WSCD1: variants seen among roughly 807,000 people sequenced by gnomAD.
The protein encoded by WSCD1 is sialate:O-sulfotransferase 1.
Under a neutral mutation model 60.4 loss-of-function variants are expected in WSCD1, and 41 were observed. That is an observed-to-expected ratio of 0.68 (90% CI 0.53 to 0.88). The LOEUF is 0.88. Ranked by LOEUF, WSCD1 falls within the 40% of genes least tolerant of loss-of-function variation. The pLI is 0.00. For missense variants in WSCD1, 784 were observed against 796.2 expected (o/e 0.98, Z 0.18); for synonymous variants, 361 against 332.5 (o/e 1.09, Z -0.93).
At chr17:6,076,262 T>C (rs1908854784) in intron 1 of WSCD1, among the ~76,000 whole-genome samples, 1 of 152,178 alleles carries the variant, frequency 6.6e-6, no homozygotes, top group Admixed American at 6.5e-5. Context: ...GTGGGTTGTC[T>C]GGAGGAAATG....
chr17:6,111,380 T>C (rs1252832036), intron 7 of WSCD1, among the ~76,000 whole-genome samples: 3 of 152,124 alleles, frequency 2.0e-5, no homozygotes, highest in African/African-American at 4.8e-5. Context: ...GATGTGCAGA[T>C]ATCAATGCAG....
intron 5 of WSCD1, among the ~76,000 whole-genome samples, chr17:6,097,487 C>T (rs1910517240): frequency 6.6e-6 from 1 of 152,234 alleles, no homozygotes; most frequent in South Asian, 2.1e-4. Context: ...TGCACCCGCC[C>T]TTCTGCACTG....
At chr17:6,099,596 G>A (rs75910406) in intron 5 of WSCD1, among the ~76,000 whole-genome samples, 1 of 151,912 alleles carries the variant, frequency 6.6e-6, no homozygotes, top group Admixed American at 6.6e-5. Context: ...CAGGTGTACC[G>A]AGTGTCATGG....
intron 5 of WSCD1, among the ~76,000 whole-genome samples, chr17:6,104,541 G>T (rs1281556182): frequency 6.6e-6 from 1 of 152,192 alleles, no homozygotes; most frequent in Non-Finnish European, 1.5e-5. Context: ...CTCAGTTACA[G>T]CATCACTGGA....
intron 4 of WSCD1, among the ~76,000 whole-genome samples, chr17:6,092,677 C>T (rs1470589989): frequency 6.6e-6 from 1 of 152,156 alleles, no homozygotes; most frequent in Non-Finnish European, 1.5e-5. Flanking sequence ...CATTCCTGCC[C>T]CCAAGTAAGA....
At chr17:6,081,366 A>G (rs986848395) in intron 2 of WSCD1, among the ~76,000 whole-genome samples, 3 of 151,840 alleles carry the variant, frequency 2.0e-5, no homozygotes, top group African/African-American at 7.3e-5. Context: ...ATCCTGGCCA[A>G]CAATTTTTTT....
chr17:6,075,468 C>G lies in WSCD1; in HGVS notation c.-289+4816C>G, dbSNP rs1908790364. On this transcript the variant is annotated intron_variant, in intron 1 of 8. Coordinates refer to ENST00000317744, the MANE Select transcript of WSCD1 (RefSeq NM_015253.2). This position sits in a 1 kb window ranked among gnomAD's most constrained non-coding sequence, Gnocchi z 4.1. ...GGCTGAGAAGTGGCCACCTGACCAGCCCAAGCCACCCATCATTCAGGCTGG... is the reference window on the plus strand; with the variant it reads ...GGCTGAGAAGTGGCCACCTGACCAGGCCAAGCCACCCATCATTCAGGCTGG... Among the ~76,000 whole-genome samples, 1 of 152,140 alleles carries G rather than the reference C, an allele frequency of 6.6e-6. No individual in the cohort carries two copies. The highest frequency in any genetic ancestry group is 2.4e-5 in the African/African-American group (1 of 41,406).
intron 7 of WSCD1, among the ~76,000 whole-genome samples, chr17:6,114,559 CTTTGA>C (rs920328052): frequency 1.4e-4 from 22 of 152,010 alleles, no homozygotes; most frequent in African/African-American, 5.3e-4. Context: ...ATCCTAATTA[CTTTGA>C]TTTGATTATT....
intron 8 of WSCD1, among the ~76,000 whole-genome samples, chr17:6,119,154 C>T (rs1017447018): frequency 2.0e-5 from 3 of 152,188 alleles, no homozygotes; most frequent in Non-Finnish European, 4.4e-5. Context: ...TCCCTAATAC[C>T]ATGATATGGT....
Position 6,107,559 on chromosome 17 carries a change from T to C in WSCD1, c.850-2048T>C, listed in dbSNP as rs561458348. On this transcript the variant is annotated intron_variant, in intron 5 of 8. Transcript: ENST00000317744. ...CAAATAAGGTCCCATTCTAAGGCCC[T>C]GGGGTTAGGACTTCAACATATGAAT... Among the ~76,000 whole-genome samples, 19 of 151,864 alleles carry C rather than the reference T, an allele frequency of 1.3e-4. 1 individual carries two copies. Among genetic ancestry groups the C allele is most frequent in the African/African-American group, 4.1e-4 (17 of 41,446 alleles).
intron 5 of WSCD1, among the ~76,000 whole-genome samples, chr17:6,096,508 C>A (rs1022552169): frequency 2.0e-5 from 3 of 152,220 alleles, no homozygotes; most frequent in African/African-American, 7.2e-5. Flanking sequence ...TATGTGCTTT[C>A]TTCTTGTCCA....
intron 2 of WSCD1, among the ~76,000 whole-genome samples, chr17:6,082,496 G>A (rs895897548): frequency 2.0e-5 from 3 of 152,212 alleles, no homozygotes; most frequent in East Asian, 1.9e-4. Context: ...GGATGCCAGC[G>A]TGGGGACAGT....
At chr17:6,097,148 A>G (rs1035605939) in intron 5 of WSCD1, among the ~76,000 whole-genome samples, 1 of 152,266 alleles carries the variant, frequency 6.6e-6, no homozygotes, top group Non-Finnish European at 1.5e-5. Context: ...TCCTGACGCC[A>G]CACACAGCCC....
rs201845969 is a variant in WSCD1, at chr17:6,080,630, T to G, written c.-29T>G. ...TGGGCGCTAGGAGCCATCCCGGGGCTCCAGCCAGGAGCCCTGCTGCCCAGG... is the reference window on the plus strand; with the variant it reads ...TGGGCGCTAGGAGCCATCCCGGGGCGCCAGCCAGGAGCCCTGCTGCCCAGG... On this transcript the variant is annotated 5_prime_UTR_variant, in exon 2 of 9. Transcript: ENST00000317744. The surrounding 1 kb of genome is among the most constrained non-coding windows in gnomAD (Gnocchi z 6.6). 1.8e-3 allele frequency: 2,923 copies of G among 1,609,458 alleles called. 6 individuals are homozygous for G. Among genetic ancestry groups the G allele is most frequent in the Admixed American group, 2.1e-3 (124 of 58,424 alleles).
chr17:6,115,985 G>A (rs1036104451), intron 7 of WSCD1, among the ~76,000 whole-genome samples: 2 of 152,262 alleles, frequency 1.3e-5, no homozygotes, highest in Admixed American at 6.5e-5. Flanking sequence ...TCCCAAGCTT[G>A]GGATTGGGCT....
intron 5 of WSCD1, among the ~76,000 whole-genome samples, chr17:6,100,227 G>A (rs1320257661): frequency 6.6e-6 from 1 of 152,230 alleles, no homozygotes; most frequent in Non-Finnish European, 1.5e-5. Context: ...GGATGGGTTT[G>A]TGGGTGAGCG....
At chr17:6,106,248 A>G (rs759605404) in intron 5 of WSCD1, among the ~76,000 whole-genome samples, 6 of 152,240 alleles carry the variant, frequency 3.9e-5, no homozygotes, top group African/African-American at 7.2e-5. Context: ...GGAAGTAGGA[A>G]TCATAGGTGT....
intron 3 of WSCD1, among the ~76,000 whole-genome samples, chr17:6,089,196 A>G (rs1157165210): frequency 6.6e-6 from 1 of 152,224 alleles, no homozygotes; most frequent in African/African-American, 2.4e-5. Flanking sequence ...AGGTCCTTAC[A>G]TAAACATACG....
chr17:6,090,483 G>T lies in WSCD1; in HGVS notation c.705G>T (p.Glu235Asp), dbSNP rs968967205. ...GGCTCTCCGTGTACCGTGTGGACGA[G>T]CTGCAGCCGGGCTCCAGGAAGCGTG... The part of the protein sequence containing the change: ...VDRLSVYRVD[E>D]LQPGSRKRRT... The change falls in exon 4 of 9, where the codon GAG becomes GAT. Residue 235 changes from glutamate (E) to aspartate (D), a missense_variant. Physicochemically the swap from Glu to Asp is conservative, Grantham distance 45. Transcript: ENST00000317744. The T allele has an allele frequency of 6.2e-7, 1 of 1,612,778 alleles. No individual in the cohort carries two copies. Among genetic ancestry groups the T allele is most frequent in the African/African-American group, 1.3e-5 (1 of 74,972 alleles).
Sources: gnomAD v4.1 joint callset for allele counts (sites outside exome capture counted in the v4.1 genomes callset) on GRCh38, gnomAD v4.1.1 for gene constraint, Gnocchi (gnomAD v3.1) non-coding constraint, MANE v1.5 for transcripts, NCBI Gene and HGNC (gene_info 2026-07-23, HGNC 2026-07-21) for gene names.